TMEM135: variants seen among roughly 807,000 people sequenced by gnomAD.
TMEM135 encodes the protein peroxisomal membrane protein 52.
Under a neutral mutation model 60.3 loss-of-function variants are expected in TMEM135, and 30 were observed. The ratio of observed to expected loss-of-function variants is 0.50; its 90% confidence interval spans 0.37 to 0.68. The LOEUF (loss-of-function observed/expected upper bound fraction) is 0.68, where lower values mean the gene tolerates loss of function less well. Ranked by LOEUF, TMEM135 falls within the 30% of genes least tolerant of loss-of-function variation. TMEM135 has a pLI of 0.00. For synonymous variants in TMEM135, 190 were observed against 186.7 expected, an observed-to-expected ratio of 1.02 and a Z score of -0.14; for missense variants, 468 against 548.8, an observed-to-expected ratio of 0.85 and a Z score of 1.47.
intron 4 of TMEM135, among the ~76,000 whole-genome samples, chr11:87,105,355 C>T (rs115080731): frequency 3.3e-4 from 50 of 152,254 alleles, no homozygotes; most frequent in African/African-American, 1.1e-3. Flanking sequence ...AACCCAATTG[C>T]GAACTGCACA....
At chr11:87,126,948 T>C (rs927151038) in intron 4 of TMEM135, among the ~76,000 whole-genome samples, 5 of 152,124 alleles carry the variant, frequency 3.3e-5, no homozygotes, top group Admixed American at 3.3e-4. Context: ...TGATTAAGAA[T>C]TGGAATCTGT....
chr11:87,113,055 G>A (rs1857793907), intron 4 of TMEM135, among the ~76,000 whole-genome samples: 1 of 152,010 alleles, frequency 6.6e-6, no homozygotes, highest in Admixed American at 6.5e-5. Flanking sequence ...GATTATAAAT[G>A]GCTTAAATGT....
At chr11:87,267,461 A>T (rs183303083) in intron 6 of TMEM135, among the ~76,000 whole-genome samples, 565 of 152,312 alleles carry the variant, frequency 3.7e-3, no homozygotes, top group Non-Finnish European at 6.6e-3. Flanking sequence ...GGGCTTTATT[A>T]TATAGCAAAA....
intron 7 of TMEM135, among the ~76,000 whole-genome samples, chr11:87,301,626 A>C (rs543698454): frequency 5.8e-4 from 89 of 152,230 alleles, no homozygotes; most frequent in African/African-American, 2.0e-3. Flanking sequence ...GAAAGCTTGG[A>C]AGGTAGTATT....
Position 87,057,815 on chromosome 11 carries a change from GTT to G in TMEM135, c.142-9877_142-9876del, listed in dbSNP as rs1491114226. Among the ~76,000 whole-genome samples the G allele has an allele frequency of 5.7e-3, 861 of 151,338 alleles. 10 individuals carry two copies. The highest frequency in any genetic ancestry group is 0.02 in the African/African-American group (821 of 41,290). On this transcript the variant is annotated intron_variant, in intron 1 of 14. Coordinates refer to ENST00000305494, the MANE Select transcript of TMEM135 (RefSeq NM_022918.4). The stretch of plus-strand genomic sequence containing the variant: ...AGCCTCTGTGTGTGTGTGTGTGTGT[GTT>G]TGTGTGTGTGTATAAAATAAGGAAT...
intron 4 of TMEM135, among the ~76,000 whole-genome samples, chr11:87,123,010 A>G (rs1478423689): frequency 6.6e-6 from 1 of 152,216 alleles, no homozygotes; most frequent in East Asian, 1.9e-4. Context: ...GTAGAATGAA[A>G]ACATACATAG....
chr11:87,072,546 A>G (rs1279505434), intron 3 of TMEM135, among the ~76,000 whole-genome samples: 1 of 151,782 alleles, frequency 6.6e-6, no homozygotes, highest in African/African-American at 2.4e-5. Context: ...ATGCCCGGCT[A>G]GTTTTTGTGT....
chr11:87,196,990 A>C (rs536978250), intron 5 of TMEM135, among the ~76,000 whole-genome samples: 1 of 152,118 alleles, frequency 6.6e-6, no homozygotes, highest in Non-Finnish European at 1.5e-5. Context: ...TACTGATGAA[A>C]CATAGTTACA....
chr11:87,129,554 T>TTTTTTTTGAAATGGAA (rs1937851672), intron 4 of TMEM135, among the ~76,000 whole-genome samples: 2 of 149,198 alleles, frequency 1.3e-5, no homozygotes, highest in African/African-American at 5.0e-5. Context: ...ATTTTTTTTT[T>TTTTTTTTGAAATGGAA]TTTTGAAATG....
At chr11:87,115,387 G>A (rs1857854374) in intron 4 of TMEM135, among the ~76,000 whole-genome samples, 1 of 152,046 alleles carries the variant, frequency 6.6e-6, no homozygotes, top group Admixed American at 6.5e-5. Flanking sequence ...TACATTTCAA[G>A]TAGAACATTT....
intron 4 of TMEM135, among the ~76,000 whole-genome samples, chr11:87,117,136 A>C (rs529060442): frequency 1.3e-5 from 2 of 152,264 alleles, no homozygotes; most frequent in South Asian, 4.1e-4. Flanking sequence ...ATTATGTTTA[A>C]AACAAAGTAC....
chr11:87,310,114 A>G (rs539372482), intron 10 of TMEM135, among the ~76,000 whole-genome samples: 3 of 152,176 alleles, frequency 2.0e-5, no homozygotes, highest in South Asian at 2.1e-4. Context: ...AGGATTTTCT[A>G]TTGTAACTTA....
chr11:87,274,950 TTC>T (rs1326382512), intron 6 of TMEM135, among the ~76,000 whole-genome samples: 1 of 151,196 alleles, frequency 6.6e-6, no homozygotes, highest in Admixed American at 6.6e-5. Flanking sequence ...CCCTAAGGAG[TTC>T]TAAGAGACAT....
At chr11:87,267,345 G>A (rs915189925) in intron 6 of TMEM135, among the ~76,000 whole-genome samples, 1 of 152,040 alleles carries the variant, frequency 6.6e-6, no homozygotes, top group Non-Finnish European at 1.5e-5. Flanking sequence ...TAAATGATAA[G>A]TAGGAAGTCA....
intron 5 of TMEM135, among the ~76,000 whole-genome samples, chr11:87,226,932 C>G (rs531788462): frequency 6.6e-6 from 1 of 152,148 alleles, no homozygotes; most frequent in South Asian, 2.1e-4. Flanking sequence ...GCCTATAATC[C>G]CAGCTGCTAG....
intron 12 of TMEM135, among the ~76,000 whole-genome samples, chr11:87,317,103 T>C (rs1450414690): frequency 2.0e-5 from 3 of 152,186 alleles, no homozygotes; most frequent in Admixed American, 2.0e-4. Flanking sequence ...GTATATATTA[T>C]GTTCTCATTA....
chr11:87,250,980 G>C (rs1404696027), intron 6 of TMEM135, among the ~76,000 whole-genome samples: 1 of 152,116 alleles, frequency 6.6e-6, no homozygotes, highest in Non-Finnish European at 1.5e-5. Context: ...GTGGAGAGTA[G>C]GTTTATCTGA....
At chr11:87,184,252 C>T (rs1939595744) in intron 5 of TMEM135, among the ~76,000 whole-genome samples, 1 of 152,008 alleles carries the variant, frequency 6.6e-6, no homozygotes, top group South Asian at 2.1e-4. Flanking sequence ...ATATTTATTG[C>T]ACAAGAACTG....
At chr11:87,046,365 C>T (rs1029574741) in intron 1 of TMEM135, among the ~76,000 whole-genome samples, 1 of 152,046 alleles carries the variant, frequency 6.6e-6, no homozygotes, top group Non-Finnish European at 1.5e-5. Context: ...GGAGACGGAG[C>T]GAGACTGTGT....
Sources: gnomAD v4.1 joint callset for allele counts (sites outside exome capture counted in the v4.1 genomes callset) on GRCh38, gnomAD v4.1.1 for gene constraint, MANE v1.5 for transcripts, NCBI Gene and HGNC (gene_info 2026-07-23, HGNC 2026-07-21) for gene names.